The following SLC4A4 variants were observed in gnomAD, a reference collection of about 807,000 sequenced individuals.
The protein encoded by SLC4A4 is electrogenic sodium bicarbonate cotransporter 1.
In SLC4A4, 27 loss-of-function variants were observed where a neutral mutation model predicts 111.5. The ratio of observed to expected loss-of-function variants is 0.24; its 90% confidence interval spans 0.18 to 0.33. The LOEUF (loss-of-function observed/expected upper bound fraction) is 0.33, where lower values mean the gene tolerates loss of function less well. Among genes scored for constraint, SLC4A4 ranks in the 10% least tolerant of loss-of-function variants. The pLI is 1.00. For synonymous variants in SLC4A4, 443 were observed against 463.4 expected (o/e 0.96, Z 0.57); for missense variants, 909 against 1,315.5 (o/e 0.69, Z 4.78).
intron 18 of SLC4A4, among the ~76,000 whole-genome samples, chr4:71,540,446 T>C (rs1195005389): frequency 3.3e-5 from 5 of 152,212 alleles, no homozygotes; most frequent in Non-Finnish European, 7.3e-5. Flanking sequence ...GTACTTAAAA[T>C]AATCTCCAGT....
intron 2 of SLC4A4, among the ~76,000 whole-genome samples, chr4:71,119,599 G>T (rs1743361765): frequency 6.6e-6 from 1 of 152,030 alleles, no homozygotes; most frequent in African/African-American, 2.4e-5. Flanking sequence ...ATGTTATCCA[G>T]GCTGCACAGT....
At chr4:71,105,496 G>A (rs1386917435) in intron 2 of SLC4A4, among the ~76,000 whole-genome samples, 4 of 151,808 alleles carry the variant, frequency 2.6e-5, no homozygotes, top group Admixed American at 6.6e-5. Context: ...GAAGCTGGAG[G>A]CATCACACTA....
intron 6 of SLC4A4, among the ~76,000 whole-genome samples, chr4:71,368,428 C>T (rs540560638): frequency 6.6e-6 from 1 of 152,254 alleles, no homozygotes; most frequent in East Asian, 1.9e-4. Context: ...TAATTTATCC[C>T]TACCCCAGTC....
chr4:71,474,076 C>T lies in SLC4A4; in HGVS notation c.1903+1106C>T, dbSNP rs191312098. On this transcript the variant is annotated intron_variant, in intron 14 of 25. Coordinates refer to ENST00000264485, the MANE Select transcript of SLC4A4 (RefSeq NM_001098484.3). The stretch of plus-strand genomic sequence containing the variant: ...ACCAGCCGGGTGTGGTGGCACGTAC[C>T]TGTAGCTACTCAAGTGGCTGAGGGA... 2.1e-3 allele frequency among the ~76,000 whole-genome samples: 306 copies of T among 146,974 alleles called. 2 individuals are homozygous for T. The highest frequency in any genetic ancestry group is 7.3e-3 in the African/African-American group (288 of 39,668).
chr4:71,246,848 G>A (rs779678892), intron 2 of SLC4A4, among the ~76,000 whole-genome samples: 5 of 152,130 alleles, frequency 3.3e-5, no homozygotes, highest in Non-Finnish European at 7.3e-5. Context: ...GGCACTAGGA[G>A]TCCTAGTCTC....
intron 17 of SLC4A4, among the ~76,000 whole-genome samples, chr4:71,533,123 A>T (rs1734083862): frequency 6.6e-6 from 1 of 152,144 alleles, no homozygotes; most frequent in Admixed American, 6.6e-5. Flanking sequence ...TTAGTTTAAT[A>T]ACTGCTTAAT....
intron 12 of SLC4A4, among the ~76,000 whole-genome samples, chr4:71,458,111 A>G (rs1255789229): frequency 6.6e-6 from 1 of 152,138 alleles, no homozygotes; most frequent in Non-Finnish European, 1.5e-5. Context: ...TGGTTGCCAA[A>G]CAAGTATACT....
chr4:71,514,319 TC>T (rs1732188265), intron 16 of SLC4A4, among the ~76,000 whole-genome samples: 1 of 151,982 alleles, frequency 6.6e-6, no homozygotes, highest in South Asian at 2.1e-4. Context: ...GTGTAGAACC[TC>T]CCCCTTCACC....
At chr4:71,190,860 TTAATGA>T (rs141651939) in intron 1 of SLC4A4, among the ~76,000 whole-genome samples, 2,071 of 152,322 alleles carry the variant, frequency 0.014, 53 homozygotes, top group African/African-American at 0.047. Context: ...ATTTTATTCC[TTAATGA>T]TAATGTCTTA....
intron 14 of SLC4A4, among the ~76,000 whole-genome samples, chr4:71,482,631 T>G (rs1316546706): frequency 6.6e-6 from 1 of 151,624 alleles, no homozygotes; most frequent in African/African-American, 2.4e-5. Flanking sequence ...AGGAAGCTGA[T>G]AAAATTGCAT....
intron 2 of SLC4A4, among the ~76,000 whole-genome samples, chr4:71,113,789 C>T (rs76603833): frequency 0.021 from 3,151 of 152,212 alleles, 118 homozygotes; most frequent in African/African-American, 0.073. Context: ...ACATGGATCA[C>T]TCCTGAAAAA....
intron 9 of SLC4A4, among the ~76,000 whole-genome samples, chr4:71,449,154 TA>T (rs1484959681): frequency 1.3e-5 from 2 of 152,202 alleles, no homozygotes; most frequent in African/African-American, 4.8e-5. Context: ...AGGCTCTTGC[TA>T]AATTTATGAT....
intron 2 of SLC4A4, 25 bp downstream of exon 2, chr4:71,236,674 T>C: frequency 2.5e-6 from 4 of 1,588,350 alleles, no homozygotes; most frequent in Non-Finnish European, 3.5e-6. Context: ...TCTGGGAAAG[T>C]GTCTGTTGAC....
chr4:71,067,415 T>C (rs994932127), intron 1 of SLC4A4, among the ~76,000 whole-genome samples: 1 of 152,240 alleles, frequency 6.6e-6, no homozygotes, highest in African/African-American at 2.4e-5. Context: ...TAAATTGCTC[T>C]AAAACAAATA....
chr4:71,353,502 A>T (rs1259863569), intron 5 of SLC4A4, among the ~76,000 whole-genome samples: 1 of 152,228 alleles, frequency 6.6e-6, no homozygotes, highest in Non-Finnish European at 1.5e-5. Flanking sequence ...AACTAATCAA[A>T]ACCCTACAGA....
intron 3 of SLC4A4, among the ~76,000 whole-genome samples, chr4:71,270,709 T>C (rs1209764994): frequency 1.3e-5 from 2 of 152,222 alleles, no homozygotes; most frequent in Non-Finnish European, 2.9e-5. Flanking sequence ...AGTTATGTGA[T>C]GTATCCACTG....
intron 2 of SLC4A4, among the ~76,000 whole-genome samples, chr4:71,173,886 G>A (rs1001594883): frequency 2.0e-5 from 3 of 152,134 alleles, no homozygotes; most frequent in African/African-American, 7.2e-5. Flanking sequence ...GAAAGAAAGT[G>A]ATACCACTAC....
At chr4:71,087,277 C>G (rs1250831800) in intron 1 of SLC4A4, among the ~76,000 whole-genome samples, 2 of 150,990 alleles carry the variant, frequency 1.3e-5, no homozygotes, top group Admixed American at 6.6e-5. Context: ...TTTTTTGCAT[C>G]TATTTGAGTC....
chr4:71,358,534 A>G (rs1239965032), intron 6 of SLC4A4, among the ~76,000 whole-genome samples: 3 of 152,190 alleles, frequency 2.0e-5, no homozygotes, highest in African/African-American at 4.8e-5. Flanking sequence ...TCTGTGGTAT[A>G]TTTTTTAGGC....
Sources: gnomAD v4.1 joint callset for allele counts (sites outside exome capture counted in the v4.1 genomes callset) on GRCh38, gnomAD v4.1.1 for gene constraint, MANE v1.5 for transcripts, NCBI Gene and HGNC (gene_info 2026-07-23, HGNC 2026-07-21) for gene names.